TRAK1: variants seen among roughly 807,000 people sequenced by gnomAD.
TRAK1 encodes trafficking kinesin protein 1, also known as trafficking kinesin-binding protein 1.
In TRAK1, 33 loss-of-function variants were observed where a neutral mutation model predicts 92.1. The ratio of observed to expected loss-of-function variants is 0.36; its 90% CI spans 0.27 to 0.48. TRAK1 has a LOEUF of 0.48. TRAK1 is among the 20% of genes least tolerant of loss of function. The pLI is 0.99. For synonymous variants in TRAK1, 521 were observed against 517.3 expected, an observed-to-expected ratio of 1.01 and a Z score of -0.10; for missense variants, 1,123 against 1,257.9, an observed-to-expected ratio of 0.89 and a Z score of 1.62.
intron 1 of TRAK1, among the ~76,000 whole-genome samples, chr3:42,103,147 G>A (rs566883526): frequency 5.9e-5 from 9 of 151,922 alleles, no homozygotes; most frequent in South Asian, 2.1e-4. Context: ...CAGTCTCCTC[G>A]CATCTCCCAC....
At chr3:42,069,316 G>A (rs1444490793) in intron 1 of TRAK1, among the ~76,000 whole-genome samples, 2 of 57,030 alleles carry the variant, frequency 3.5e-5, no homozygotes, top group Non-Finnish European at 8.6e-5. Context: ...GCAAGACCCT[G>A]TCTCAAAAAA....
At chr3:42,042,792 T>C (rs1470193583) in intron 1 of TRAK1, among the ~76,000 whole-genome samples, 1 of 152,176 alleles carries the variant, frequency 6.6e-6, no homozygotes, top group Non-Finnish European at 1.5e-5. Context: ...CAGGATGGAA[T>C]ACAGTTCTTA....
Position 42,223,494 on chromosome 3 carries a change from C to T in TRAK1, c.2619C>T (p.Leu873=), listed in dbSNP as rs2149555471. The change falls in exon 16 of 16, where the codon CTC becomes CTT. Residue 873 remains leucine (L), a synonymous_variant. Transcript: ENST00000327628. The surrounding 1 kb of genome is among the most constrained non-coding windows in gnomAD (Gnocchi z 6.1). ...CCTTGACTGAGGAGCAGGGACCCCT[C>T]CTCTGTGGGCCCCCGGGGCCAGCAC... ...VPTLTEEQGP[L]LCGPPGPAPA... is the part of the protein sequence containing the mutation. The T allele has an allele frequency of 1.2e-6, 2 of 1,613,726 alleles. No individual in the cohort carries two copies. Among genetic ancestry groups the T allele is most frequent in the Non-Finnish European group, 1.7e-6 (2 of 1,179,964 alleles).
chr3:42,016,820 T>G (rs944264468), intron 1 of TRAK1, among the ~76,000 whole-genome samples: 1 of 152,182 alleles, frequency 6.6e-6, no homozygotes, highest in Admixed American at 6.5e-5. Flanking sequence ...GAACAGTCAT[T>G]TAAACTCACT....
upstream of TRAK1, chr3:42,091,314 A>T: frequency 1.5e-6 from 1 of 668,000 alleles, no homozygotes; most frequent in Non-Finnish European, 2.6e-6. Context: ...TTGTGCTTCC[A>T]GGACAGCTCA....
At chr3:42,136,421 T>G (rs1367180016) in intron 2 of TRAK1, among the ~76,000 whole-genome samples, 2 of 152,022 alleles carry the variant, frequency 1.3e-5, no homozygotes, top group Non-Finnish European at 2.9e-5. Context: ...GACAAGGCAT[T>G]TGAGACCAAG....
intron 2 of TRAK1, among the ~76,000 whole-genome samples, chr3:42,138,626 C>T (rs1459652406): frequency 6.6e-6 from 1 of 151,572 alleles, no homozygotes; most frequent in Non-Finnish European, 1.5e-5. Flanking sequence ...GCGGCTCACA[C>T]CTATAATCCC....
intron 1 of TRAK1, among the ~76,000 whole-genome samples, chr3:42,042,612 C>G (rs971886807): frequency 1.3e-5 from 2 of 152,168 alleles, no homozygotes; most frequent in African/African-American, 4.8e-5. Flanking sequence ...CTCAAGTGAT[C>G]TGCCCGCCTT....
intron 11 of TRAK1, among the ~76,000 whole-genome samples, chr3:42,199,735 A>G (rs1387198846): frequency 2.0e-5 from 3 of 152,208 alleles, no homozygotes; most frequent in Non-Finnish European, 4.4e-5. Flanking sequence ...TTGGGATTAC[A>G]GGCGTGAGCC....
chr3:42,093,903 C>G (rs1705512921), intron 1 of TRAK1, among the ~76,000 whole-genome samples: 1 of 151,528 alleles, frequency 6.6e-6, no homozygotes, highest in Non-Finnish European at 1.5e-5. Flanking sequence ...AGGGTTTTGC[C>G]ATGTTGCCCA....
At chr3:42,075,809 C>T (rs116018756) in intron 1 of TRAK1, among the ~76,000 whole-genome samples, 2,093 of 152,034 alleles carry the variant, frequency 0.014, 52 homozygotes, top group African/African-American at 0.049. Flanking sequence ...AGTGTCTGTT[C>T]ATGGCCTTTG....
chr3:42,218,373 A>G, intron 14 of TRAK1: 1 of 956,932 alleles, frequency 1.0e-6, no homozygotes, highest in Non-Finnish European at 1.2e-6. Context: ...TTGAATCCTC[A>G]TGGCCTCTGA....
At chr3:42,044,835 T>G (rs981524854) in intron 1 of TRAK1, among the ~76,000 whole-genome samples, 6 of 146,494 alleles carry the variant, frequency 4.1e-5, no homozygotes, top group Admixed American at 3.9e-4. Flanking sequence ...TCCTGTGCTC[T>G]GTTTTTTTTT....
intron 2 of TRAK1, among the ~76,000 whole-genome samples, chr3:42,132,669 C>G (rs1487909675): frequency 1.3e-5 from 2 of 152,108 alleles, no homozygotes; most frequent in Non-Finnish European, 2.9e-5. Flanking sequence ...GCCCCACCGT[C>G]AGGCATAGTC....
intron 1 of TRAK1, among the ~76,000 whole-genome samples, chr3:42,075,195 G>A (rs960315372): frequency 5.3e-5 from 8 of 151,804 alleles, no homozygotes; most frequent in African/African-American, 1.9e-4. Context: ...ATGAGGTCTG[G>A]CTGGGTGTGG....
intron 15 of TRAK1, among the ~76,000 whole-genome samples, chr3:42,220,863 G>T (rs1438526839): frequency 6.6e-6 from 1 of 152,296 alleles, no homozygotes; most frequent in East Asian, 1.9e-4. Context: ...TGCCCCTGGA[G>T]AACTTGGCTT....
At chr3:42,086,020 G>GT (rs1553711022), upstream of TRAK1, among the ~76,000 whole-genome samples, 7 of 152,316 alleles carry the variant, frequency 4.6e-5, no homozygotes, top group East Asian at 7.7e-4. Flanking sequence ...ACCACACTTT[G>GT]AGATCTCTTG....
At chr3:42,204,876 C>G (rs1708147397) in intron 13 of TRAK1, among the ~76,000 whole-genome samples, 2 of 152,206 alleles carry the variant, frequency 1.3e-5, no homozygotes, top group South Asian at 4.1e-4. Flanking sequence ...GTCACCACAC[C>G]TGGCTCAGAC....
Position 42,202,763 on chromosome 3 carries a change from G to C in TRAK1, c.1744+11G>C. 3.1e-6 allele frequency: 5 copies of C among 1,613,184 alleles called. No homozygotes were observed. Among genetic ancestry groups the C allele is most frequent in the Non-Finnish European group, 4.2e-6 (5 of 1,179,428 alleles). ...TGAAGCCGCTGGAAGGTGATCACGC[G>C]GGGCCTCGGCCCCTCTCTGTCCTCC... On this transcript the variant is annotated intron_variant, in intron 13 of 15. Transcript: ENST00000327628. The surrounding 1 kb of genome is among the most constrained non-coding windows in gnomAD (Gnocchi z 6.1).
Sources: allele counts gnomAD v4.1 joint callset (sites outside exome capture counted in the v4.1 genomes callset), GRCh38; gene constraint gnomAD v4.1.1; non-coding constraint Gnocchi (gnomAD v3.1); transcripts MANE v1.5; gene names NCBI Gene and HGNC (gene_info 2026-07-23, HGNC 2026-07-21).